APP: variants seen among roughly 807,000 people sequenced by gnomAD.
APP encodes amyloid-beta precursor protein.
A neutral mutation model predicts 101.4 loss-of-function variants in APP; 31 were observed. That is an observed-to-expected ratio of 0.31 (90% CI 0.23 to 0.41). The LOEUF is 0.41. APP is among the 10% of genes least tolerant of loss of function. APP has a pLI of 1.00. For missense variants in APP, 839 were observed against 1,003.7 expected (o/e 0.84, Z 2.22); for synonymous variants, 366 against 364.4 (o/e 1.00, Z -0.05).
intron 1 of APP, among the ~76,000 whole-genome samples, chr21:26,156,614 T>C (rs1336904733): frequency 6.6e-6 from 1 of 152,220 alleles, no homozygotes; most frequent in African/African-American, 2.4e-5. Flanking sequence ...AGGTCACCCA[T>C]TTCAGACTGG....
At chr21:26,079,104 A>G (rs9984251) in intron 3 of APP, among the ~76,000 whole-genome samples, 150,908 of 150,908 alleles carry the variant, frequency 1, 75,454 homozygotes, top group Non-Finnish European at 1. Flanking sequence ...TTTGCTTTGG[A>G]AAATGACACG....
Position 26,159,201 on chromosome 21 carries a change from T to A in APP, c.57+11363A>T, listed in dbSNP as rs559764422. Among the ~76,000 whole-genome samples, 11 of 152,154 alleles carry A rather than the reference T, an allele frequency of 7.2e-5. No individual in the cohort carries two copies. In the East Asian group the frequency reaches 2.1e-3, roughly 29 times the overall value. The stretch of plus-strand genomic sequence containing the variant: ...TTCACACCATTCTCCTGCCTCAGCC[T>A]CCCGAGTAGCTGGGACTACAGGTGC... On this transcript the variant is annotated intron_variant, in intron 1 of 17. Coordinates refer to ENST00000346798, the MANE Select transcript of APP (RefSeq NM_000484.4).
chr21:26,099,829 C>T (rs1029391452), intron 2 of APP, among the ~76,000 whole-genome samples: 20 of 152,204 alleles, frequency 1.3e-4, no homozygotes, highest in African/African-American at 4.8e-5. Context: ...TGGGAGGTAT[C>T]AGCATGCTAT....
At chr21:25,999,425 AG>A (rs1306159643) in intron 7 of APP, among the ~76,000 whole-genome samples, 1 of 152,192 alleles carries the variant, frequency 6.6e-6, no homozygotes. Context: ...CTGTGTGCTG[AG>A]CTCGGAGGGG....
chr21:26,003,571 T>C (rs981932531), intron 6 of APP, among the ~76,000 whole-genome samples: 5 of 152,208 alleles, frequency 3.3e-5, no homozygotes, highest in Admixed American at 3.3e-4. Flanking sequence ...TAATGTCAAA[T>C]ACATAATGTA....
chr21:25,917,463 T>G (rs1403108496), intron 13 of APP, among the ~76,000 whole-genome samples: 1 of 152,196 alleles, frequency 6.6e-6, no homozygotes, highest in Non-Finnish European at 1.5e-5. Flanking sequence ...AAAAATAGCC[T>G]TATAAATAAA....
chr21:26,021,823 A>G lies in APP; in HGVS notation c.865+17T>C, dbSNP rs768470593. 1 of 1,611,772 alleles carries G rather than the reference A, an allele frequency of 6.2e-7. No individual in the cohort carries two copies. The stretch of plus-strand genomic sequence containing the variant: ...TTTCCTTGGGGGTGGGGGGAATCCA[A>G]GCAAATGGTGGATTACCTCGAACCA... On this transcript the variant is annotated intron_variant, in intron 6 of 17. Coordinates refer to ENST00000346798, the MANE Select transcript of APP (RefSeq NM_000484.4).
chr21:25,946,617 G>A (rs574730699), intron 13 of APP, among the ~76,000 whole-genome samples: 1 of 152,230 alleles, frequency 6.6e-6, no homozygotes, highest in African/African-American at 2.4e-5. Context: ...AGTGAACTGA[G>A]ATCATGCCGC....
chr21:25,967,772 T>C (rs1395559241), intron 11 of APP, among the ~76,000 whole-genome samples: 1 of 152,198 alleles, frequency 6.6e-6, no homozygotes, highest in Non-Finnish European at 1.5e-5. Context: ...CTATGAATAG[T>C]TTGAGTACGA....
At chr21:26,069,537 T>C (rs2046592671) in intron 3 of APP, among the ~76,000 whole-genome samples, 2 of 152,104 alleles carry the variant, frequency 1.3e-5, no homozygotes, top group African/African-American at 4.8e-5. Flanking sequence ...TCACTGCACA[T>C]ATCACCAACG....
chr21:25,943,435 A>AT (rs1569087129), intron 13 of APP, among the ~76,000 whole-genome samples: 3 of 422 alleles, frequency 7.1e-3, no homozygotes, highest in Non-Finnish European at 0.022. Context: ...TACAGGCGTG[A>AT]GCACCGCACC....
rs1015529688 is a variant in APP, at chr21:25,955,275, A to G, written c.1587+352T>C. Among the ~76,000 whole-genome samples, 8 of 152,216 alleles carry G rather than the reference A, an allele frequency of 5.3e-5. 1 individual carries two copies. The highest frequency in any genetic ancestry group is 3.4e-3 in the Middle Eastern group (1 of 294). Reference sequence around the variant, plus strand: ...TCATTTAGGCTCACATGAAATCTCAACATTCCAGTAGGTTTATGATTGCCT... The same window carrying G: ...TCATTTAGGCTCACATGAAATCTCAGCATTCCAGTAGGTTTATGATTGCCT... On this transcript the variant is annotated intron_variant, in intron 12 of 17. Coordinates refer to ENST00000346798, the MANE Select transcript of APP (RefSeq NM_000484.4).
At chr21:26,042,685 T>C (rs1285106839) in intron 5 of APP, among the ~76,000 whole-genome samples, 1 of 152,048 alleles carries the variant, frequency 6.6e-6, no homozygotes, top group African/African-American at 2.4e-5. Flanking sequence ...GAGGATCACT[T>C]GAGGCCAGGA....
At chr21:25,999,868 C>G (rs758984236) in intron 7 of APP, 147 bp downstream of exon 7, 35 of 926,880 alleles carry the variant, frequency 3.8e-5, no homozygotes, top group Non-Finnish European at 3.6e-5. Context: ...TGCGGAGACT[C>G]TGAGCAATTA....
intron 11 of APP, among the ~76,000 whole-genome samples, chr21:25,970,608 T>C (rs983475079): frequency 1.3e-5 from 2 of 152,202 alleles, no homozygotes; most frequent in Non-Finnish European, 2.9e-5. Context: ...ATAGAGAATT[T>C]TGGCAAATAG....
intron 8 of APP, among the ~76,000 whole-genome samples, chr21:25,985,967 T>C (rs1169882377): frequency 6.6e-6 from 1 of 152,224 alleles, no homozygotes; most frequent in Non-Finnish European, 1.5e-5. Context: ...TCATTACTAC[T>C]GCTCTGCAGC....
At chr21:26,140,405 C>CGCAGTGT in intron 1 of APP, 1 of 1,398,222 alleles carries the variant, frequency 7.2e-7, no homozygotes, top group Admixed American at 2.8e-5. Context: ...GTGGATCACA[C>CGCAGTGT]GCACACTGCG....
At chr21:26,145,764 TTC>T (rs57042671) in intron 1 of APP, among the ~76,000 whole-genome samples, 2,847 of 152,300 alleles carry the variant, frequency 0.019, 88 homozygotes, top group African/African-American at 0.062. Context: ...CATATAAATT[TTC>T]TGTTTTTTAT....
chr21:25,921,127 T>A (rs2039615002), intron 13 of APP, among the ~76,000 whole-genome samples: 1 of 139,070 alleles, frequency 7.2e-6, no homozygotes, highest in African/African-American at 2.9e-5. Context: ...CCTGAATGAC[T>A]ACTGGGTACA....
Sources: gnomAD v4.1 joint callset for allele counts (sites outside exome capture counted in the v4.1 genomes callset) on GRCh38, gnomAD v4.1.1 for gene constraint, MANE v1.5 for transcripts, NCBI Gene and HGNC (gene_info 2026-07-23, HGNC 2026-07-21) for gene names.